The following ZNF33A variants were observed in gnomAD, a reference collection of about 807,000 sequenced individuals.
ZNF33A encodes the protein zinc finger protein 33A.
A neutral mutation model predicts 15.9 loss-of-function variants in ZNF33A; 9 were observed. The ratio of observed to expected loss-of-function variants is 0.57; its 90% CI spans 0.34 to 0.99. The LOEUF (loss-of-function observed/expected upper bound fraction) is 0.99. Among genes scored for constraint, ZNF33A ranks in the 50% least tolerant of loss-of-function variants. The probability of loss-of-function intolerance (pLI) is 0.02; values close to 1 mark genes in which losing one functional copy is unlikely to be tolerated. For missense variants in ZNF33A, 843 were observed against 941.6 expected, an observed-to-expected ratio of 0.90 and a Z score of 1.37; for synonymous variants, 294 against 324.2, an observed-to-expected ratio of 0.91 and a Z score of 1.00.
intron 4 of ZNF33A, among the ~76,000 whole-genome samples, chr10:38,028,830 A>G (rs1254263157): frequency 2.0e-5 from 3 of 151,990 alleles, no homozygotes; most frequent in Non-Finnish European, 4.4e-5. Context: ...CCTTCTGTGT[A>G]TATTTTTTAG....
intron 4 of ZNF33A, among the ~76,000 whole-genome samples, chr10:38,027,962 C>T (rs535160286): frequency 5.3e-5 from 8 of 151,928 alleles, no homozygotes; most frequent in Non-Finnish European, 1.2e-4. Context: ...TTGTTTTGGA[C>T]AATGTGTAGT....
intron 4 of ZNF33A, among the ~76,000 whole-genome samples, chr10:38,052,016 G>C (rs773587152): frequency 2.0e-4 from 30 of 152,046 alleles, no homozygotes; most frequent in Admixed American, 8.5e-4. Flanking sequence ...ATGTACAATT[G>C]ACATTGTATA....
At chr10:38,045,663 G>A (rs600429) in intron 4 of ZNF33A, among the ~76,000 whole-genome samples, 1 of 152,146 alleles carries the variant, frequency 6.6e-6, no homozygotes, top group African/African-American at 2.4e-5. Flanking sequence ...TCTCTTCTTA[G>A]CCATCTCTTT....
chr10:38,057,874 T>G lies in ZNF33A; in HGVS notation c.*1314T>G. On this transcript the variant is annotated 3_prime_UTR_variant, in exon 5 of 5. Transcript: ENST00000432900. ...TGCCCAGGGCTGTTGGACTGTCATT[T>G]CAAGGCTCATTGTCCCCAGACAGGG... The G allele has an allele frequency of 1.0e-6, 1 of 985,464 alleles. No individual in the cohort carries two copies. Among genetic ancestry groups the G allele is most frequent in the Non-Finnish European group, 1.2e-6 (1 of 829,952 alleles). The allele number at this position is 985,464 out of a possible 1,614,324, so 61.0% of individuals were successfully genotyped here.
At position 38,059,277 on chromosome 10, in the gene ZNF33A, A is replaced by G. The variant is rs2066607358; in HGVS notation, c.*2717A>G. 6.6e-6 allele frequency: 1 copy of G among 152,214 alleles called. No homozygotes were observed. The highest frequency in any genetic ancestry group is 1.5e-5 in the Non-Finnish European group (1 of 68,044). 9.4% of individuals were successfully genotyped at this position (152,214 alleles called of 1,614,324 possible). A position where few individuals can be genotyped will look rare whatever the true frequency, so the allele number is the denominator to read the frequency against. On this transcript the variant is annotated 3_prime_UTR_variant, in exon 5 of 5. Coordinates refer to ENST00000432900, the MANE Select transcript of ZNF33A (RefSeq NM_006954.2). ...CATTATCCTTGATGTTTCCAACTAGACACTTTCCTACTAAGATCAGGAACA... is the reference window on the plus strand; with the variant it reads ...CATTATCCTTGATGTTTCCAACTAGGCACTTTCCTACTAAGATCAGGAACA...
rs2505227 is a variant in ZNF33A, at chr10:38,057,422, T to C, written c.*862T>C. 0.079 allele frequency: 77,649 copies of C among 985,300 alleles called. 3,256 individuals carry two copies. Among genetic ancestry groups the C allele is most frequent in the Non-Finnish European group, 0.086 (71,592 of 829,844 alleles). The allele number at this position is 985,300 out of a possible 1,614,324, so 61.0% of individuals were successfully genotyped here. On this transcript the variant is annotated 3_prime_UTR_variant, in exon 5 of 5. Coordinates refer to ENST00000432900, the MANE Select transcript of ZNF33A (RefSeq NM_006954.2). ...TTATCCCTGAAGTTCAAAAGACTTA[T>C]ATATGTATAAGTGGTATGTGATATA...
chr10:38,011,744 A>T (rs1447876901), intron 1 of ZNF33A, among the ~76,000 whole-genome samples: 1 of 152,194 alleles, frequency 6.6e-6, no homozygotes, highest in Non-Finnish European at 1.5e-5. Flanking sequence ...CTACTTTTCC[A>T]CACACATCAA....
At chr10:38,019,061 T>C (rs182128641) in intron 4 of ZNF33A, among the ~76,000 whole-genome samples, 1 of 152,174 alleles carries the variant, frequency 6.6e-6, no homozygotes, top group African/African-American at 2.4e-5. Context: ...TGTATACATG[T>C]GCCATGTTGG....
chr10:38,020,550 C>T (rs576926342), intron 4 of ZNF33A, among the ~76,000 whole-genome samples: 44 of 152,230 alleles, frequency 2.9e-4, no homozygotes, highest in African/African-American at 1.1e-3. Context: ...TACTTTCTAC[C>T]TCACCTCCAT....
At chr10:38,019,314 C>G (rs903948279) in intron 4 of ZNF33A, among the ~76,000 whole-genome samples, 11 of 152,112 alleles carry the variant, frequency 7.2e-5, no homozygotes, top group African/African-American at 2.7e-4. Flanking sequence ...AGGACATGAA[C>G]TCATCATTTT....
chr10:38,056,878 C>T lies in ZNF33A; in HGVS notation c.*318C>T, dbSNP rs1428897192. Reference sequence around the variant, plus strand: ...CCATAATAGTTTTTAGGGCACCTAACAATAATTTATAGATGTATATTGTGG... The same window carrying T: ...CCATAATAGTTTTTAGGGCACCTAATAATAATTTATAGATGTATATTGTGG... On this transcript the variant is annotated 3_prime_UTR_variant, in exon 5 of 5. Coordinates refer to ENST00000432900, the MANE Select transcript of ZNF33A (RefSeq NM_006954.2). 9.8e-7 allele frequency: 1 copy of T among 1,018,976 alleles called. No individual in the cohort carries two copies. The highest frequency in any genetic ancestry group is 1.7e-5 in the African/African-American group (1 of 58,644). 63.1% of individuals were successfully genotyped at this position (1,018,976 alleles called of 1,614,324 possible). A position where few individuals can be genotyped will look rare whatever the true frequency, so the allele number is the denominator to read the frequency against.
At chr10:38,030,894 C>A (rs2065184261) in intron 4 of ZNF33A, among the ~76,000 whole-genome samples, 1 of 152,100 alleles carries the variant, frequency 6.6e-6, no homozygotes, top group Admixed American at 6.6e-5. Flanking sequence ...TATCATAATA[C>A]CTCATGATTT....
chr10:38,021,824 A>G (rs1420372690), intron 4 of ZNF33A, among the ~76,000 whole-genome samples: 2 of 152,208 alleles, frequency 1.3e-5, no homozygotes, highest in East Asian at 3.8e-4. Context: ...ACTACAAATC[A>G]GTAATAGAGT....
chr10:38,038,232 T>G (rs1008387823), intron 4 of ZNF33A, among the ~76,000 whole-genome samples: 8 of 152,254 alleles, frequency 5.3e-5, no homozygotes, highest in African/African-American at 1.9e-4. Flanking sequence ...CCCAAGTAGC[T>G]GGGACTACAG....
chr10:38,028,312 C>T (rs2135604170), intron 4 of ZNF33A, among the ~76,000 whole-genome samples: 1 of 152,060 alleles, frequency 6.6e-6, no homozygotes, highest in Admixed American at 6.6e-5. Flanking sequence ...ATCCATTCTG[C>T]CAGCCTCTGC....
chr10:38,035,387 G>A (rs1183850894), intron 4 of ZNF33A, among the ~76,000 whole-genome samples: 1 of 151,822 alleles, frequency 6.6e-6, no homozygotes, highest in Non-Finnish European at 1.5e-5. Context: ...CAAAGTGCTG[G>A]GATTAAAGTT....
intron 2 of ZNF33A, among the ~76,000 whole-genome samples, chr10:38,015,075 A>G (rs917355807): frequency 2.0e-5 from 3 of 151,954 alleles, no homozygotes; most frequent in Admixed American, 1.3e-4. Context: ...CGGTTTTGCC[A>G]TGTTGGCCAG....
At chr10:38,061,076 G>A (rs559863553), downstream of ZNF33A, among the ~76,000 whole-genome samples, 1 of 152,276 alleles carries the variant, frequency 6.6e-6, no homozygotes, top group East Asian at 1.9e-4. Context: ...CTTTCCAAAG[G>A]TCTGGCTGGA....
At chr10:38,033,962 C>A (rs969634269) in intron 4 of ZNF33A, among the ~76,000 whole-genome samples, 13 of 152,026 alleles carry the variant, frequency 8.6e-5, no homozygotes, top group African/African-American at 2.9e-4. Context: ...CCACCCACCT[C>A]GGCCTCCCAA....
Sources: allele counts gnomAD v4.1 joint callset (sites outside exome capture counted in the v4.1 genomes callset), GRCh38; gene constraint gnomAD v4.1.1; transcripts MANE v1.5; gene names NCBI Gene and HGNC (gene_info 2026-07-23, HGNC 2026-07-21).